NRG1: variants seen among roughly 807,000 people sequenced by gnomAD.
NRG1 encodes pro-neuregulin-1, membrane-bound isoform.
A neutral mutation model predicts 63.8 loss-of-function variants in NRG1; 18 were observed. That is an observed-to-expected ratio of 0.28 (90% CI 0.19 to 0.42). NRG1 has a LOEUF of 0.42. NRG1 is among the 10% of genes least tolerant of loss of function. NRG1 has a pLI of 1.00. For synonymous variants in NRG1, 302 were observed against 301.3 expected (o/e 1.00, Z -0.02); for missense variants, 762 against 814.7 (o/e 0.94, Z 0.79).
At position 31,640,154 on chromosome 8, in the gene NRG1, CG is replaced by C. The variant is rs1472051043; in HGVS notation, c.37+728del. The C allele has an allele frequency of 4.3e-6, 5 of 1,176,274 alleles. No individual in the cohort carries two copies. Among genetic ancestry groups the C allele is most frequent in the Admixed American group, 4.5e-5 (1 of 21,988 alleles). The allele number at this position is 1,176,274 out of a possible 1,614,324, so 72.9% of individuals were successfully genotyped here. ...GCGGCCGGCAACGAGGCGGCTCCCG[CG>C]GGGGCCTCGGTGTGCTACTCGTCCC... On this transcript the variant is annotated intron_variant, in intron 1 of 10. Transcript: ENST00000519301. This position sits in a 1 kb window ranked among gnomAD's most constrained non-coding sequence, Gnocchi z 6.3.
intron 1 of NRG1, among the ~76,000 whole-genome samples, chr8:31,921,920 T>A (rs1383813390): frequency 2.0e-5 from 3 of 152,224 alleles, no homozygotes; most frequent in Non-Finnish European, 2.9e-5. Context: ...TTTCTTAATT[T>A]AAAAAATTTT....
intron 5 of NRG1, among the ~76,000 whole-genome samples, chr8:32,662,713 G>A (rs928544992): frequency 1.3e-5 from 2 of 152,132 alleles, no homozygotes; most frequent in Non-Finnish European, 2.9e-5. Flanking sequence ...TTAGAATGAT[G>A]TAATGATGAA....
At chr8:32,065,073 A>G (rs976942757) in intron 1 of NRG1, among the ~76,000 whole-genome samples, 6 of 152,040 alleles carry the variant, frequency 3.9e-5, no homozygotes, top group African/African-American at 1.4e-4. Flanking sequence ...TATTTAAAAA[A>G]TATGAAAATG....
At chr8:32,308,974 C>T (rs1472985388) in intron 1 of NRG1, among the ~76,000 whole-genome samples, 1 of 152,142 alleles carries the variant, frequency 6.6e-6, no homozygotes, top group Non-Finnish European at 1.5e-5. Flanking sequence ...CTTGGGCCTC[C>T]CAGTTTTCAA....
At chr8:32,035,370 AT>A in intron 1 of NRG1, among the ~76,000 whole-genome samples, 1 of 152,036 alleles carries the variant, frequency 6.6e-6, no homozygotes, top group East Asian at 1.9e-4. Context: ...TTATTTGATC[AT>A]TTTTAGAGTA....
chr8:32,424,164 ACT>A (rs1817050358), intron 1 of NRG1, among the ~76,000 whole-genome samples: 1 of 151,756 alleles, frequency 6.6e-6, no homozygotes, highest in East Asian at 1.9e-4. Context: ...GGTTTCTCAG[ACT>A]CTTCTCTCAA....
chr8:32,299,045 A>AAAAAAG (rs1554501325), intron 1 of NRG1, among the ~76,000 whole-genome samples: 3 of 145,202 alleles, frequency 2.1e-5, no homozygotes, highest in African/African-American at 8.1e-5. Flanking sequence ...AAAAAAAAAA[A>AAAAAAG]AAAGAAAGAA....
chr8:32,135,726 C>A (rs1301091504), intron 1 of NRG1, among the ~76,000 whole-genome samples: 5 of 151,712 alleles, frequency 3.3e-5, no homozygotes, highest in Non-Finnish European at 5.9e-5. Flanking sequence ...GTTTTTGGTT[C>A]ATGGGAGAAA....
chr8:32,177,383 A>C (rs1047469965), intron 1 of NRG1, among the ~76,000 whole-genome samples: 2 of 151,982 alleles, frequency 1.3e-5, no homozygotes, highest in African/African-American at 4.8e-5. Flanking sequence ...ATGTTAAATG[A>C]GGAGTTAATG....
intron 1 of NRG1, among the ~76,000 whole-genome samples, chr8:32,308,808 G>A (rs1401526953): frequency 1.3e-5 from 2 of 152,180 alleles, no homozygotes; most frequent in East Asian, 3.8e-4. Flanking sequence ...TCACTTTGCG[G>A]GAGAATGATG....
At position 31,991,303 on chromosome 8, in the gene NRG1, T is replaced by C. The variant is rs150694864; in HGVS notation, c.37+351872T>C. 2.6e-3 allele frequency among the ~76,000 whole-genome samples: 402 copies of C among 151,728 alleles called. 1 individual carries two copies. The highest frequency in any genetic ancestry group is 8.7e-3 in the African/African-American group (358 of 41,236). The stretch of plus-strand genomic sequence containing the variant: ...CGACAACAACTTCTTCTTCTTCTTC[T>C]TCCTCCTCTTCTTCTTCTTCTCTTT... On this transcript the variant is annotated intron_variant, in intron 1 of 10. Coordinates refer to the NRG1 transcript ENST00000519301.
intron 1 of NRG1, among the ~76,000 whole-genome samples, chr8:32,385,608 A>G (rs1410252509): frequency 6.6e-6 from 1 of 152,132 alleles, no homozygotes; most frequent in African/African-American, 2.4e-5. Flanking sequence ...GAAGCAAGAA[A>G]GAGAGCCAGG....
chr8:31,973,468 G>A (rs1807635965), intron 1 of NRG1, among the ~76,000 whole-genome samples: 1 of 152,172 alleles, frequency 6.6e-6, no homozygotes, highest in African/African-American at 2.4e-5. Context: ...TGAGAAGGGA[G>A]TAGAGAGATT....
chr8:32,618,023 A>G (rs1206275585), intron 5 of NRG1, among the ~76,000 whole-genome samples: 1 of 152,190 alleles, frequency 6.6e-6, no homozygotes, highest in Non-Finnish European at 1.5e-5. Context: ...CAAACAGGAA[A>G]TGAAATGCTA....
chr8:32,419,819 C>T (rs1319052901), intron 1 of NRG1, among the ~76,000 whole-genome samples: 1 of 152,190 alleles, frequency 6.6e-6, no homozygotes, highest in Non-Finnish European at 1.5e-5. Flanking sequence ...AACACAAGTA[C>T]ATCTTCTTTT....
chr8:32,167,693 A>G (rs1371381703), intron 1 of NRG1, among the ~76,000 whole-genome samples: 2 of 152,214 alleles, frequency 1.3e-5, no homozygotes, highest in East Asian at 3.9e-4. Context: ...ATTTAAAATA[A>G]CAGCCCTCAA....
intron 1 of NRG1, among the ~76,000 whole-genome samples, chr8:32,555,200 G>A (rs1438793401): frequency 2.0e-5 from 3 of 152,018 alleles, no homozygotes; most frequent in African/African-American, 7.2e-5. Context: ...TTCCAATCAC[G>A]CCTTACAACA....
intron 1 of NRG1, among the ~76,000 whole-genome samples, chr8:32,574,138 C>G (rs1244903789): frequency 1.3e-5 from 2 of 152,104 alleles, no homozygotes; most frequent in East Asian, 3.9e-4. Flanking sequence ...TTTATAGCAG[C>G]ATGACCTTTT....
At chr8:32,185,512 A>G in intron 1 of NRG1, among the ~76,000 whole-genome samples, 1 of 152,232 alleles carries the variant, frequency 6.6e-6, no homozygotes, top group East Asian at 1.9e-4. Context: ...AATTGTTCAT[A>G]GGTGGTCTCT....
Sources: allele counts gnomAD v4.1 joint callset (sites outside exome capture counted in the v4.1 genomes callset), GRCh38; gene constraint gnomAD v4.1.1; non-coding constraint Gnocchi (gnomAD v3.1); transcripts MANE v1.5; gene names NCBI Gene and HGNC (gene_info 2026-07-23, HGNC 2026-07-21).